The following LTN1 variants were observed in gnomAD, a reference collection of about 807,000 sequenced individuals.
LTN1 encodes E3 ubiquitin-protein ligase listerin.
A neutral mutation model predicts 201.2 loss-of-function variants in LTN1; 88 were observed. The observed-to-expected ratio is 0.44, with a 90% CI of 0.37 to 0.52. LTN1 has a LOEUF of 0.52. LTN1 is among the 20% of genes least tolerant of loss of function. LTN1 has a pLI of 0.00. For synonymous variants in LTN1, 645 were observed against 713.5 expected, an observed-to-expected ratio of 0.90 and a Z score of 1.53; for missense variants, 1,752 against 2,038.7, an observed-to-expected ratio of 0.86 and a Z score of 2.71.
chr21:28,957,777 A>G (rs2084438757), intron 14 of LTN1, among the ~76,000 whole-genome samples: 1 of 152,186 alleles, frequency 6.6e-6, no homozygotes, highest in South Asian at 2.1e-4. Context: ...ATGCAGCACT[A>G]TTTTACCTAA....
intron 1 of LTN1, among the ~76,000 whole-genome samples, chr21:28,988,319 TAGC>T (rs1325445136): frequency 6.6e-6 from 1 of 151,650 alleles, no homozygotes; most frequent in South Asian, 2.1e-4. Context: ...ACACAAAAAT[TAGC>T]CAGGCGTGGT....
intron 13 of LTN1, among the ~76,000 whole-genome samples, chr21:28,958,961 A>G (rs1018306678): frequency 6.6e-6 from 1 of 152,122 alleles, no homozygotes; most frequent in African/African-American, 2.4e-5. Context: ...GGAAAGAATG[A>G]AGGGTGGGAG....
chr21:28,951,638 C>A (rs2084383411), intron 18 of LTN1, among the ~76,000 whole-genome samples: 1 of 151,834 alleles, frequency 6.6e-6, no homozygotes, highest in African/African-American at 2.4e-5. Flanking sequence ...GTATAAAATT[C>A]TACAACAAAA....
intron 26 of LTN1, 132 bp downstream of exon 26, chr21:28,936,394 A>C (rs1250581759): frequency 1.7e-6 from 1 of 595,162 alleles, no homozygotes; most frequent in African/African-American, 1.9e-5. Context: ...AATATGGAAA[A>C]TGGTCAATTT....
At position 28,983,455 on chromosome 21, in the gene LTN1, T is replaced by C. The variant is rs1191376704; in HGVS notation, c.577-1087A>G. Among the ~76,000 whole-genome samples, 10 of 152,334 alleles carry C rather than the reference T, an allele frequency of 6.6e-5. No homozygotes were observed. In the East Asian group the frequency reaches 1.9e-3, roughly 29 times the overall value. The stretch of plus-strand genomic sequence containing the variant: ...TGGGTTAGAAAACTCCATTTGAGCA[T>C]ATGATTAAAGCTACAAACCCTCTCT... On this transcript the variant is annotated intron_variant, in intron 4 of 29. Coordinates refer to ENST00000361371, the MANE Select transcript of LTN1 (RefSeq NM_015565.3).
At chr21:28,957,942 G>A (rs540958871) in intron 14 of LTN1, among the ~76,000 whole-genome samples, 1 of 152,292 alleles carries the variant, frequency 6.6e-6, no homozygotes, top group Admixed American at 6.5e-5. Flanking sequence ...TGGTGACCAT[G>A]AGAGGCTACA....
intron 25 of LTN1, among the ~76,000 whole-genome samples, chr21:28,937,588 T>G (rs922932717): frequency 6.6e-6 from 1 of 152,204 alleles, no homozygotes; most frequent in Non-Finnish European, 1.5e-5. Context: ...GGATTTGGAA[T>G]TGATTTTTAA....
In LTN1 at chr21:28,936,539, C is replaced by T. The variant is rs775084868; in HGVS notation, c.4641G>A (p.Gln1547=). 6.2e-7 allele frequency: 1 copy of T among 1,612,708 alleles called. No individual in the cohort carries two copies. The highest frequency in any genetic ancestry group is 1.1e-5 in the South Asian group (1 of 90,714). Residue 1547 remains glutamine (Q), a synonymous_variant, in exon 26 of 30, where the codon CAG becomes CAA. Coordinates refer to ENST00000361371, the MANE Select transcript of LTN1 (RefSeq NM_015565.3). The stretch of plus-strand genomic sequence containing the variant: ...TATCTTACTGACCTCTAATACTCAG[C>T]TGGAGCTCCTCAGTAAAGAATGTTT... ...DPKTFFTEEL[Q]LSIRETTMLP...
chr21:28,968,650 G>A (rs963819161), intron 9 of LTN1, among the ~76,000 whole-genome samples: 2 of 150,720 alleles, frequency 1.3e-5, no homozygotes, highest in Admixed American at 6.6e-5. Flanking sequence ...TTTCACTCTT[G>A]TTGACCAGGC....
intron 6 of LTN1, among the ~76,000 whole-genome samples, chr21:28,973,338 A>G (rs2776248): frequency 7.7e-6 from 1 of 130,612 alleles, no homozygotes; most frequent in African/African-American, 2.9e-5. Flanking sequence ...CAAAGCAAGA[A>G]TCCGTCCCAA....
intron 1 of LTN1, 63 bp downstream of exon 1, chr21:28,992,701 G>A (rs1337358242): frequency 5.0e-6 from 8 of 1,592,378 alleles, no homozygotes; most frequent in Non-Finnish European, 6.9e-6. Context: ...CCAGCAACGC[G>A]CTGGGCGGAG....
chr21:28,967,072 C>T lies in LTN1; in HGVS notation c.1419G>A (p.Thr473=), dbSNP rs201222874. 13 of 1,613,952 alleles carry T rather than the reference C, an allele frequency of 8.1e-6. No homozygotes were observed. The highest frequency in any genetic ancestry group is 6.6e-5 in the South Asian group (6 of 91,088). ...TLSSWEAKAD[T]EKDEKTAHNL... is the part of the protein sequence containing the mutation. The stretch of plus-strand genomic sequence containing the variant: ...TGTGAGCTGTTTTTTCATCTTTTTC[C>T]GTGTCTGCTTTGGCTTCCCAGGAAC... Residue 473 remains threonine, a synonymous_variant, in exon 10 of 30, where the codon ACG becomes ACA. Transcript: ENST00000361371.
At position 28,943,348 on chromosome 21, in the gene LTN1, A is replaced by T; in HGVS notation, c.4221-12T>A. The T allele has an allele frequency of 6.6e-7, 1 of 1,511,164 alleles. No individual in the cohort carries two copies. Among genetic ancestry groups the T allele is most frequent in the Non-Finnish European group, 9.1e-7 (1 of 1,093,610 alleles). The allele number at this position is 1,511,164 out of a possible 1,614,324, so 93.6% of individuals were successfully genotyped here. A position where few individuals can be genotyped will look rare whatever the true frequency, so the allele number is the denominator to read the frequency against. On this transcript the variant is annotated splice_polypyrimidine_tract_variant and intron_variant, in intron 23 of 29. Coordinates refer to ENST00000361371, the MANE Select transcript of LTN1 (RefSeq NM_015565.3). ...ATTCAGGCATCAATCTAGAAATTAGAACATTATTTTTAAATATGTGATATT... is the reference window on the plus strand; with the variant it reads ...ATTCAGGCATCAATCTAGAAATTAGTACATTATTTTTAAATATGTGATATT...
Position 28,959,487 on chromosome 21 carries a change from G to A in LTN1, c.2564C>T (p.Ala855Val), listed in dbSNP as rs564937722. 1.2e-6 allele frequency: 2 copies of A among 1,613,888 alleles called. No homozygotes were observed. The highest frequency in any genetic ancestry group is 1.1e-5 in the South Asian group (1 of 91,048). Residue 855 changes from alanine to valine, a missense_variant, in exon 13 of 30, where the codon GCT becomes GTT. By Grantham distance (64) the Ala-to-Val change is moderately conservative. This residue lies in a region of LTN1 where 1,211 missense variants were observed against 1,312.8 expected (regional missense o/e 0.92). Coordinates refer to ENST00000361371, the MANE Select transcript of LTN1 (RefSeq NM_015565.3). Reference protein sequence around the residue: ...DLLLTLFQLCAQSKEKTHLPD... With the variant: ...DLLLTLFQLCVQSKEKTHLPD... ...CAAATGTGTTTTTTCTTTGCTCTGA[G>A]CACATAACTGAAAGAGAGTTAATAA... is the stretch of plus-strand genomic sequence containing the variant.
intron 12 of LTN1, among the ~76,000 whole-genome samples, chr21:28,960,049 C>T (rs1414899062): frequency 6.6e-6 from 1 of 150,878 alleles, no homozygotes; most frequent in Non-Finnish European, 1.5e-5. Flanking sequence ...GATTAATAAA[C>T]AATTAGGGTG....
Position 28,960,397 on chromosome 21 carries a change from T to A in LTN1, c.2353+120A>T, listed in dbSNP as rs187734622. On this transcript the variant is annotated intron_variant, in intron 12 of 29. Transcript: ENST00000361371. ...AAAGAAAAGAAAAGAAAAAAAAAAA[T>A]TTGAATGAGTAAGTCCTGTTATTTT... 1.0e-3 allele frequency: 635 copies of A among 631,796 alleles called. 2 individuals carry two copies. Among genetic ancestry groups the A allele is most frequent in the African/African-American group, 7.4e-3 (386 of 51,818 alleles). The allele number at this position is 631,796 out of a possible 1,614,324, so 39.1% of individuals were successfully genotyped here.
In LTN1 at chr21:28,932,603, A is replaced by G. The variant is rs148387334; in HGVS notation, c.4937T>C (p.Ile1646Thr). 8 of 1,613,818 alleles carry G rather than the reference A, an allele frequency of 5.0e-6. No individual in the cohort carries two copies. The East Asian group carries it at 1.1e-4, about 22-fold the overall frequency. Reference protein sequence around the residue: ...MATYTIEDIVIELIIQLPSNY... With the variant: ...MATYTIEDIVTELIIQLPSNY... Reference sequence around the variant, plus strand: ...TGAAGGCAGTTGTATTATAAGTTCAATAACTATGTCCTCAATAGTATAAGT... The same window carrying G: ...TGAAGGCAGTTGTATTATAAGTTCAGTAACTATGTCCTCAATAGTATAAGT... Residue 1646 changes from isoleucine (I) to threonine (T), a missense_variant, in exon 28 of 30, where the codon ATT becomes ACT. By Grantham distance (89) the Ile-to-Thr change is moderately conservative. Around this residue, in one of 3 missense-constraint regions of LTN1, gnomAD observed 261 missense variants for 350.1 expected, o/e 0.75. Transcript: ENST00000361371.
chr21:28,936,393 A>T, intron 26 of LTN1, 133 bp downstream of exon 26: 1 of 594,640 alleles, frequency 1.7e-6, no homozygotes, highest in Non-Finnish European at 2.8e-6. Flanking sequence ...AAATATGGAA[A>T]ATGGTCAATT....
chr21:28,969,861 T>G (rs2084559059), intron 8 of LTN1, among the ~76,000 whole-genome samples: 1 of 152,220 alleles, frequency 6.6e-6, no homozygotes, highest in South Asian at 2.1e-4. Flanking sequence ...TTTCTTCTTT[T>G]TTTTTAGAAA....
Sources: gnomAD v4.1 joint callset for allele counts (sites outside exome capture counted in the v4.1 genomes callset) on GRCh38, gnomAD v4.1.1 for gene constraint, gnomAD v4.1.1 regional missense constraint, MANE v1.5 for transcripts, NCBI Gene and HGNC (gene_info 2026-07-23, HGNC 2026-07-21) for gene names.